The following PIGN variants were observed in gnomAD, a reference collection of about 807,000 sequenced individuals.
The protein encoded by PIGN is phosphatidylinositol glycan anchor biosynthesis class N.
A neutral mutation model predicts 125.4 loss-of-function variants in PIGN; 117 were observed. The observed-to-expected ratio is 0.93, with a 90% CI of 0.80 to 1.09. The LOEUF (loss-of-function observed/expected upper bound fraction) is 1.09. PIGN is among the 50% of genes least tolerant of loss of function. The pLI is 0.00. For synonymous variants in PIGN, 392 were observed against 377.8 expected, an observed-to-expected ratio of 1.04 and a Z score of -0.44; for missense variants, 1,075 against 1,094.9, an observed-to-expected ratio of 0.98 and a Z score of 0.26.
At chr18:62,103,618 C>T (rs558289505) in intron 20 of PIGN, 1 of 152,184 alleles carries the variant, frequency 6.6e-6, no homozygotes, top group East Asian at 1.9e-4. Flanking sequence ...CATAGCACAG[C>T]CAGAATTATG....
At chr18:62,132,787 A>C (rs1053092374) in intron 14 of PIGN, among the ~76,000 whole-genome samples, 2 of 152,208 alleles carry the variant, frequency 1.3e-5, no homozygotes. Flanking sequence ...CTTATTTTTA[A>C]ATATTCAGTT....
In PIGN at chr18:62,090,686, TC is replaced by T. The variant is rs747426113; in HGVS notation, c.2181-109del. 485 of 613,026 alleles carry T rather than the reference TC, an allele frequency of 7.9e-4. 4 individuals carry two copies. Among genetic ancestry groups the T allele is most frequent in the Non-Finnish European group, 1.3e-4 (45 of 348,834 alleles). The allele number at this position is 613,026 out of a possible 1,614,324, so 38.0% of individuals were successfully genotyped here. A position where few individuals can be genotyped will look rare whatever the true frequency, so the allele number is the denominator to read the frequency against. On this transcript the variant is annotated intron_variant, in intron 23 of 30. Coordinates refer to ENST00000640252, the MANE Select transcript of PIGN (RefSeq NM_176787.5). ...AAAATTAAAACAATTTGATAATACTTCTAAGTCACAATATTACAAAACTTAA... is the reference window on the plus strand; with the variant it reads ...AAAATTAAAACAATTTGATAATACTTTAAGTCACAATATTACAAAACTTAA...
At position 62,057,272 on chromosome 18, in the gene PIGN, A is replaced by C. The variant is rs1599413597; in HGVS notation, c.2673-11293T>G. Among the ~76,000 whole-genome samples the C allele has an allele frequency of 4.0e-5, 6 of 150,994 alleles. 2 individuals are homozygous for C. Among genetic ancestry groups the C allele is most frequent in the Admixed American group, 4.0e-4 (6 of 15,110 alleles). Reference sequence around the variant, plus strand: ...TTTATATATGCAAAACCCAGATCTTAATCTCCCACACCTTCCTTCACCAAA... The same window carrying C: ...TTTATATATGCAAAACCCAGATCTTCATCTCCCACACCTTCCTTCACCAAA... On this transcript the variant is annotated intron_variant, in intron 30 of 30. Transcript: ENST00000640252.
At chr18:62,072,366 C>A in intron 30 of PIGN, 1 of 194,996 alleles carries the variant, frequency 5.1e-6, no homozygotes, top group African/African-American at 2.3e-5. Flanking sequence ...GGTAAGTGTC[C>A]TAGATAGGTA....
intron 23 of PIGN, among the ~76,000 whole-genome samples, chr18:62,033,339 C>T (rs116657956): frequency 2.0e-5 from 3 of 152,096 alleles, no homozygotes; most frequent in South Asian, 2.1e-4. Context: ...GAAAGCATAC[C>T]GATAAGAGGC....
intron 23 of PIGN, 33 bp downstream of exon 23, chr18:62,095,815 T>C: frequency 1.7e-6 from 2 of 1,161,684 alleles, no homozygotes; most frequent in Non-Finnish European, 2.6e-6. Context: ...TAAAACTTGC[T>C]GCTATAAAAT....
intron 1 of PIGN, among the ~76,000 whole-genome samples, chr18:62,166,892 C>T (rs1167580595): frequency 6.6e-6 from 1 of 151,948 alleles, no homozygotes; most frequent in African/African-American, 2.4e-5. Flanking sequence ...AACACCAGGG[C>T]CTGTAGCAGG....
intron 23 of PIGN, among the ~76,000 whole-genome samples, chr18:62,021,121 T>A (rs1395316523): frequency 6.6e-6 from 1 of 152,158 alleles, no homozygotes; most frequent in African/African-American, 2.4e-5. Flanking sequence ...ATACACCTAC[T>A]AAATGATCCA....
At chr18:62,160,789 G>T (rs922487679) in intron 4 of PIGN, among the ~76,000 whole-genome samples, 1 of 152,162 alleles carries the variant, frequency 6.6e-6, no homozygotes, top group African/African-American at 2.4e-5. Context: ...GATTACAGGC[G>T]TGAGCCACTG....
At chr18:62,089,038 A>T (rs1242435725) in intron 24 of PIGN, among the ~76,000 whole-genome samples, 196 bp from the exon 25 acceptor site, 2 of 152,136 alleles carry the variant, frequency 1.3e-5, no homozygotes, top group African/African-American at 2.4e-5. Context: ...CAAAAGGTAA[A>T]ATATGTTGCT....
rs1217364448 is a variant in PIGN at position 62,102,804 on chromosome 18, T to C, written c.1958A>G (p.His653Arg). 1 of 1,492,860 alleles carries C rather than the reference T, an allele frequency of 6.7e-7. No individual in the cohort carries two copies. Among genetic ancestry groups the C allele is most frequent in the Admixed American group, 1.9e-5 (1 of 51,964 alleles). The allele number at this position is 1,492,860 out of a possible 1,614,324, so 92.5% of individuals were successfully genotyped here. A position where few individuals can be genotyped will look rare whatever the true frequency, so the allele number is the denominator to read the frequency against. The change falls in exon 21 of 31, where the codon CAT (histidine) becomes CGT (arginine). Residue 653 changes from histidine (H) to arginine (R), a missense_variant. Around this residue, in one of 3 missense-constraint regions of PIGN, gnomAD observed 915 missense variants for 908.7 expected, o/e 1.01. Transcript: ENST00000640252. ...AAATCTGTAACTGACCTGTAACAGA[T>C]GTACCAATAGCTCTTCCTTTATAAA... Reference protein sequence around the residue: ...DSFIKEELLVHLLQVLSTVLS... With the variant: ...DSFIKEELLVRLLQVLSTVLS...
intron 30 of PIGN, among the ~76,000 whole-genome samples, chr18:62,061,511 CAAAAAAAAAAAAAA>C (rs373391589): frequency 9.0e-5 from 3 of 33,212 alleles, no homozygotes; most frequent in Non-Finnish European, 2.2e-4. Flanking sequence ...GACTCCGTCT[CAAAAAAAAAAAAAA>C]AAAAAAAAAA....
chr18:62,038,762 C>T (rs1438038760), downstream of PIGN, among the ~76,000 whole-genome samples: 13 of 152,020 alleles, frequency 8.6e-5, no homozygotes, highest in Non-Finnish European at 1.8e-4. Context: ...AGGACCCTGT[C>T]TCTACAAAAA....
At chr18:62,145,769 G>A (rs1262645782) in intron 10 of PIGN, 140 bp downstream of exon 10, 2 of 571,062 alleles carry the variant, frequency 3.5e-6, no homozygotes, top group African/African-American at 3.8e-5. Context: ...CCCTTGTAGT[G>A]TTTGTATAGA....
At chr18:62,149,994 G>T (rs1370140356) in intron 7 of PIGN, among the ~76,000 whole-genome samples, 6 of 150,642 alleles carry the variant, frequency 4.0e-5, no homozygotes. Flanking sequence ...GTTTGTTGCT[G>T]TTGTTGTTGT....
At chr18:62,116,102 G>A (rs1568192669) in intron 14 of PIGN, among the ~76,000 whole-genome samples, 1 of 152,098 alleles carries the variant, frequency 6.6e-6, no homozygotes, top group Non-Finnish European at 1.5e-5. Flanking sequence ...GTGCCACAAG[G>A]CAAAAACACA....
chr18:62,063,687 G>T (rs566571404), intron 30 of PIGN, among the ~76,000 whole-genome samples: 2 of 149,494 alleles, frequency 1.3e-5, no homozygotes, highest in African/African-American at 4.9e-5. Flanking sequence ...GGTCTGGGAA[G>T]ACTACTTTAG....
intron 19 of PIGN, 135 bp downstream of exon 19, chr18:62,106,654 T>C (rs1024480827): frequency 7.9e-6 from 5 of 628,952 alleles, no homozygotes; most frequent in Non-Finnish European, 1.1e-5. Context: ...TCAGTCCTCC[T>C]ATCAATATGA....
intron 30 of PIGN, among the ~76,000 whole-genome samples, chr18:62,049,490 A>C (rs1488659711): frequency 2.1e-4 from 32 of 151,834 alleles, no homozygotes; most frequent in Non-Finnish European, 4.3e-4. Flanking sequence ...TTTTGGCTGC[A>C]TAAATGTCTT....
Sources: gnomAD v4.1 joint callset for allele counts (sites outside exome capture counted in the v4.1 genomes callset) on GRCh38, gnomAD v4.1.1 for gene constraint, gnomAD v4.1.1 regional missense constraint, MANE v1.5 for transcripts, NCBI Gene and HGNC (gene_info 2026-07-23, HGNC 2026-07-21) for gene names.